Variants in ZFPM2 observed in about 807,000 individuals in gnomAD.
ZFPM2 encodes zinc finger protein ZFPM2.
ZFPM2 carries 20 observed loss-of-function variants against 98.6 expected under a neutral mutation model. That is an observed-to-expected ratio of 0.20 (90% confidence interval 0.14 to 0.29). The LOEUF (loss-of-function observed/expected upper bound fraction) is 0.29. Among genes scored for constraint, ZFPM2 ranks in the 10% least tolerant of loss-of-function variants. The pLI is 1.00. For synonymous variants in ZFPM2, 518 were observed against 502.7 expected (o/e 1.03, Z -0.41); for missense variants, 1,310 against 1,388.6 (o/e 0.94, Z 0.90).
intron 4 of ZFPM2, among the ~76,000 whole-genome samples, chr8:105,618,956 T>C (rs1347093674): frequency 6.6e-6 from 1 of 152,188 alleles, no homozygotes; most frequent in Non-Finnish European, 1.5e-5. Flanking sequence ...TTTTAAGATA[T>C]ACTTCATTTA....
intron 1 of ZFPM2, among the ~76,000 whole-genome samples, chr8:105,348,415 C>T (rs113505417): frequency 1.9e-3 from 292 of 152,280 alleles, no homozygotes; most frequent in Non-Finnish European, 3.7e-3. Context: ...ATCAGGTTTT[C>T]GTAATGGCTA....
chr8:105,345,850 T>C (rs1812513375), intron 1 of ZFPM2, among the ~76,000 whole-genome samples: 1 of 152,200 alleles, frequency 6.6e-6, no homozygotes, highest in Non-Finnish European at 1.5e-5. Context: ...ATTTTTTTCC[T>C]AGAATGTACC....
chr8:105,396,730 T>G (rs1022263652), intron 1 of ZFPM2, among the ~76,000 whole-genome samples: 7 of 152,208 alleles, frequency 4.6e-5, no homozygotes, highest in African/African-American at 1.4e-4. Context: ...CAACATTCAC[T>G]TGCATTAGAA....
At chr8:105,539,781 T>G (rs979950336) in intron 3 of ZFPM2, among the ~76,000 whole-genome samples, 1 of 152,202 alleles carries the variant, frequency 6.6e-6, no homozygotes, top group African/African-American at 2.4e-5. Context: ...CATGGAAGAC[T>G]TCTGTCGTTT....
intron 3 of ZFPM2, among the ~76,000 whole-genome samples, chr8:105,460,323 T>C (rs1397433444): frequency 6.6e-6 from 1 of 152,222 alleles, no homozygotes; most frequent in African/African-American, 2.4e-5. Flanking sequence ...GAAGAGGCTT[T>C]GCTTGAGGCA....
At chr8:105,750,889 A>T (rs1296316205) in intron 5 of ZFPM2, among the ~76,000 whole-genome samples, 3 of 152,106 alleles carry the variant, frequency 2.0e-5, no homozygotes, top group African/African-American at 7.2e-5. Context: ...ACCCTGGAGC[A>T]AAGCTAAAGA....
intron 1 of ZFPM2, among the ~76,000 whole-genome samples, chr8:105,342,309 A>G (rs1812445271): frequency 6.6e-6 from 1 of 152,014 alleles, no homozygotes; most frequent in African/African-American, 2.4e-5. Flanking sequence ...GCCCACAAGG[A>G]TTAAGAGGTG....
chr8:105,509,898 T>C (rs1465036499), intron 3 of ZFPM2, among the ~76,000 whole-genome samples: 3 of 152,214 alleles, frequency 2.0e-5, no homozygotes, highest in Non-Finnish European at 4.4e-5. Flanking sequence ...ATTTTTCAGA[T>C]AGGACATATT....
chr8:105,551,381 A>G (rs1814849549), intron 3 of ZFPM2, among the ~76,000 whole-genome samples: 1 of 151,838 alleles, frequency 6.6e-6, no homozygotes, highest in Non-Finnish European at 1.5e-5. Context: ...CATTGGTTAT[A>G]TGTTACATTT....
intron 5 of ZFPM2, among the ~76,000 whole-genome samples, chr8:105,693,165 T>G (rs1276799431): frequency 6.6e-6 from 1 of 152,206 alleles, no homozygotes; most frequent in Non-Finnish European, 1.5e-5. Flanking sequence ...ATCATAAAAT[T>G]GTCACATAAA....
chr8:105,674,702 C>G (rs760967099), intron 5 of ZFPM2, among the ~76,000 whole-genome samples: 24 of 152,106 alleles, frequency 1.6e-4, no homozygotes, highest in Non-Finnish European at 1.3e-4. Context: ...TTTACACACT[C>G]TTATATTAGG....
chr8:105,638,964 G>T (rs1816900285), intron 5 of ZFPM2, among the ~76,000 whole-genome samples: 1 of 151,894 alleles, frequency 6.6e-6, no homozygotes, highest in Non-Finnish European at 1.5e-5. Context: ...AAGTAATTAG[G>T]TCATCCAGAC....
Position 105,616,037 on chromosome 8 carries a change from G to T in ZFPM2, c.421-18209G>T, listed in dbSNP as rs763851948. ...TAAGATTATGGTATTTAAATTTAAGGCTTTTTATAGCATATGGTGTAAGAA... is the reference window on the plus strand; with the variant it reads ...TAAGATTATGGTATTTAAATTTAAGTCTTTTTATAGCATATGGTGTAAGAA... On this transcript the variant is annotated intron_variant, in intron 4 of 7. Coordinates refer to ENST00000407775, the MANE Select transcript of ZFPM2 (RefSeq NM_012082.4). Among the ~76,000 whole-genome samples, 11 of 151,794 alleles carry T rather than the reference G, an allele frequency of 7.2e-5. No individual in the cohort carries two copies. The South Asian group carries it at 8.4e-4, about 12-fold the overall frequency.
chr8:105,720,099 A>T (rs567467761), intron 5 of ZFPM2, among the ~76,000 whole-genome samples: 1 of 151,954 alleles, frequency 6.6e-6, no homozygotes, highest in African/African-American at 2.4e-5. Flanking sequence ...TAAAGATGCG[A>T]TAAGGTCCTC....
chr8:105,363,469 G>A (rs1435617412), intron 1 of ZFPM2, among the ~76,000 whole-genome samples: 1 of 152,076 alleles, frequency 6.6e-6, no homozygotes. Flanking sequence ...AAACTAACAT[G>A]TATTATGTGC....
intron 5 of ZFPM2, among the ~76,000 whole-genome samples, chr8:105,730,776 C>A: frequency 8.0e-6 from 1 of 124,388 alleles, no homozygotes; most frequent in East Asian, 2.3e-4. Context: ...TTTCTTTTTT[C>A]TTTTTTTTTT....
chr8:105,489,466 A>ATATATATATATATATATATATATATT (rs1554610604), intron 3 of ZFPM2, among the ~76,000 whole-genome samples: 5 of 119,776 alleles, frequency 4.2e-5, no homozygotes, highest in African/African-American at 1.8e-4. Flanking sequence ...ATATATATAT[A>ATATATATATATATATATATATATATT]TTTTTTTTTT....
At chr8:105,342,089 A>C (rs1812440384) in intron 1 of ZFPM2, among the ~76,000 whole-genome samples, 1 of 152,050 alleles carries the variant, frequency 6.6e-6, no homozygotes, top group Non-Finnish European at 1.5e-5. Flanking sequence ...CTCAGATAGG[A>C]ATAGATGAGT....
At chr8:105,723,211 G>A (rs1195657891) in intron 5 of ZFPM2, among the ~76,000 whole-genome samples, 3 of 151,468 alleles carry the variant, frequency 2.0e-5, no homozygotes, top group Admixed American at 2.0e-4. Flanking sequence ...TGGCTCTGTT[G>A]AAAATCCTGT....
Sources: gnomAD v4.1 joint callset for allele counts (sites outside exome capture counted in the v4.1 genomes callset) on GRCh38, gnomAD v4.1.1 for gene constraint, MANE v1.5 for transcripts, NCBI Gene and HGNC (gene_info 2026-07-23, HGNC 2026-07-21) for gene names.